The following SV2B variants were observed in gnomAD, a reference collection of about 807,000 sequenced individuals.
The protein encoded by SV2B is solute carrier family 22 member B2.
Under a neutral mutation model 73.9 loss-of-function variants are expected in SV2B, and 41 were observed. The ratio of observed to expected loss-of-function variants is 0.56; its 90% confidence interval spans 0.43 to 0.72. The LOEUF (loss-of-function observed/expected upper bound fraction) is 0.72, where lower values mean the gene tolerates loss of function less well. SV2B is among the 30% of genes least tolerant of loss of function. The pLI, the probability that SV2B is intolerant of heterozygous loss-of-function variation, is 0.00. For synonymous variants in SV2B, 314 were observed against 314.2 expected, an observed-to-expected ratio of 1.00 and a Z score of 0.01; for missense variants, 764 against 857.8, an observed-to-expected ratio of 0.89 and a Z score of 1.37.
rs570121638 is a variant in SV2B at position 91,147,284 on chromosome 15, C to T, written c.-392+46921C>T. Reference sequence around the variant, plus strand: ...ACCACCTAGAATTACACTATCCCTTCCTGCAGGTCCTTCTGACCTGGGAGT... The same window carrying T: ...ACCACCTAGAATTACACTATCCCTTTCTGCAGGTCCTTCTGACCTGGGAGT... On this transcript the variant is annotated intron_variant, in intron 1 of 12. Transcript: ENST00000394232. 9.8e-5 allele frequency among the ~76,000 whole-genome samples: 15 copies of T among 152,318 alleles called. No individual in the cohort carries two copies. The East Asian group carries it at 1.9e-3, about 20-fold the overall frequency.
rs2046800475 is a variant in SV2B at position 91,236,786 on chromosome 15, G to T, written c.451+10072G>T. The stretch of plus-strand genomic sequence containing the variant: ...TTGACATTACCTGGGGCAGCTGGAA[G>T]GTGGGGGCTGGAATCATCGGAGGGC... On this transcript the variant is annotated intron_variant, in intron 2 of 12. Transcript: ENST00000394232. This position sits in a 1 kb window ranked among gnomAD's most constrained non-coding sequence, Gnocchi z 4.1. Among the ~76,000 whole-genome samples the T allele has an allele frequency of 6.6e-6, 1 of 152,108 alleles. No homozygotes were observed. Among genetic ancestry groups the T allele is most frequent in the Non-Finnish European group, 1.5e-5 (1 of 68,016 alleles).
intron 1 of SV2B, among the ~76,000 whole-genome samples, chr15:91,209,886 T>C (rs904380158): frequency 6.6e-6 from 1 of 152,244 alleles, no homozygotes; most frequent in Non-Finnish European, 1.5e-5. Flanking sequence ...AGCCCAGAAC[T>C]GCACAAAACA....
intron 6 of SV2B, 80 bp from the exon 7 acceptor site, chr15:91,266,498 TTAAA>T: frequency 9.1e-7 from 1 of 1,102,378 alleles, no homozygotes; most frequent in South Asian, 1.4e-5. Context: ...CTAAATCAGT[TTAAA>T]TAGTTACATT....
At chr15:91,204,780 C>G (rs190251930) in intron 1 of SV2B, among the ~76,000 whole-genome samples, 1 of 152,078 alleles carries the variant, frequency 6.6e-6, no homozygotes, top group East Asian at 1.9e-4. Context: ...CTGGTCTCAA[C>G]CTCCTGGGCC....
chr15:91,125,132 C>G (rs1335521655), intron 1 of SV2B, among the ~76,000 whole-genome samples: 6 of 152,192 alleles, frequency 3.9e-5, no homozygotes, highest in Non-Finnish European at 8.8e-5. Flanking sequence ...CAGATTTTCT[C>G]TTCTTGTAGG....
chr15:91,291,011 C>G (rs946749329), intron 12 of SV2B, among the ~76,000 whole-genome samples: 1 of 150,330 alleles, frequency 6.7e-6, no homozygotes, highest in Middle Eastern at 3.3e-3. Flanking sequence ...CAGACCCTGT[C>G]TCAGAAAATG....
At chr15:91,171,945 T>C (rs1250001428) in intron 1 of SV2B, among the ~76,000 whole-genome samples, 1 of 152,138 alleles carries the variant, frequency 6.6e-6, no homozygotes, top group Non-Finnish European at 1.5e-5. Flanking sequence ...GAAACAGCAA[T>C]CCATATCACT....
intron 2 of SV2B, among the ~76,000 whole-genome samples, chr15:91,247,779 T>C (rs2047299554): frequency 6.6e-6 from 1 of 152,144 alleles, no homozygotes; most frequent in Non-Finnish European, 1.5e-5. Context: ...CGCCCTCTAT[T>C]GGCAGAGCCT....
intron 2 of SV2B, among the ~76,000 whole-genome samples, chr15:91,235,780 C>G (rs1215178324): frequency 3.3e-5 from 5 of 152,110 alleles, no homozygotes; most frequent in African/African-American, 7.2e-5. Flanking sequence ...TTGAAACTTA[C>G]AGTTTCTGAG....
Position 91,252,616 on chromosome 15 carries a change from C to A in SV2B, c.784+96C>A. 2 of 1,321,686 alleles carry A rather than the reference C, an allele frequency of 1.5e-6. No individual in the cohort carries two copies. The highest frequency in any genetic ancestry group is 2.0e-6 in the Non-Finnish European group (2 of 1,015,130). 81.9% of individuals were successfully genotyped at this position (1,321,686 alleles called of 1,614,324 possible). On this transcript the variant is annotated intron_variant, in intron 4 of 12. Transcript: ENST00000394232. This position sits in a 1 kb window ranked among gnomAD's most constrained non-coding sequence, Gnocchi z 4.6. ...TCCTCAGCCTTATTCCATGTACTCA[C>A]GCACAGTTCCCGTACGTGACCTTGA...
intron 1 of SV2B, among the ~76,000 whole-genome samples, chr15:91,154,135 T>C (rs2043406358): frequency 6.8e-6 from 1 of 147,908 alleles, no homozygotes; most frequent in South Asian, 2.1e-4. Flanking sequence ...ATATTAATAT[T>C]TGATATTAAT....
At chr15:91,167,279 A>G (rs1362543503) in intron 1 of SV2B, among the ~76,000 whole-genome samples, 2 of 151,962 alleles carry the variant, frequency 1.3e-5, no homozygotes, top group Non-Finnish European at 2.9e-5. Flanking sequence ...CTTGAGAGCT[A>G]ATTATATTTT....
intron 1 of SV2B, among the ~76,000 whole-genome samples, chr15:91,166,856 C>G (rs572165201): frequency 3.0e-4 from 46 of 150,894 alleles, no homozygotes; most frequent in African/African-American, 1.1e-3. Context: ...CTCTGTTGCC[C>G]AGGCTGGAGT....
rs1478954182 is a variant in SV2B at position 91,301,791 on chromosome 15, G to T, written c.*9239G>T. 1.3e-5 allele frequency among the ~76,000 whole-genome samples: 2 copies of T among 152,164 alleles called. No homozygotes were observed. Among genetic ancestry groups the T allele is most frequent in the East Asian group, 3.8e-4 (2 of 5,202 alleles). On this transcript the variant is annotated 3_prime_UTR_variant, in exon 13 of 13. Coordinates refer to ENST00000394232, the MANE Select transcript of SV2B (RefSeq NM_001323032.3). The surrounding 1 kb of genome is among the most constrained non-coding windows in gnomAD (Gnocchi z 4.3). ...CCTACCAGCTGAGCATCCCAAGTCTGCACATTTGATATCTAAAATACTCCA... is the reference window on the plus strand; with the variant it reads ...CCTACCAGCTGAGCATCCCAAGTCTTCACATTTGATATCTAAAATACTCCA...
chr15:91,157,045 C>T (rs1467497417), intron 1 of SV2B, among the ~76,000 whole-genome samples: 1 of 152,200 alleles, frequency 6.6e-6, no homozygotes, highest in Non-Finnish European at 1.5e-5. Context: ...CTAAGTCAGT[C>T]AGGGAATGGT....
rs1075840 is a variant in SV2B, at chr15:91,258,677, T to A, written c.918+123T>A. ...TGCTTATGTGTTGCAAACTCTCCCC[T>A]GGTCGGCTGACCTCACTCATCATTG... On this transcript the variant is annotated intron_variant, in intron 5 of 12. Coordinates refer to ENST00000394232, the MANE Select transcript of SV2B (RefSeq NM_001323032.3). This position sits in a 1 kb window ranked among gnomAD's most constrained non-coding sequence, Gnocchi z 4.7. The A allele has an allele frequency of 4.2e-6, 6 of 1,421,514 alleles. No individual in the cohort carries two copies. The highest frequency in any genetic ancestry group is 2.3e-5 in the Admixed American group (1 of 43,282). 88.1% of individuals were successfully genotyped at this position (1,421,514 alleles called of 1,614,324 possible). A position where few individuals can be genotyped will look rare whatever the true frequency, so the allele number is the denominator to read the frequency against.
intron 1 of SV2B, among the ~76,000 whole-genome samples, chr15:91,144,360 C>T (rs1443653798): frequency 1.3e-5 from 2 of 152,114 alleles, no homozygotes; most frequent in African/African-American, 4.8e-5. Context: ...GTTTTCTGGA[C>T]CTTGGGTAAC....
chr15:91,255,794 A>C (rs2269795), intron 4 of SV2B, among the ~76,000 whole-genome samples: 1 of 151,976 alleles, frequency 6.6e-6, no homozygotes, highest in East Asian at 1.9e-4. Flanking sequence ...AATATGGTAG[A>C]CTAGAATCAC....
Position 91,268,297 on chromosome 15 carries a change from G to T in SV2B, c.1209-144G>T. ...TTCCCCTTGTATTTATTAATATGAG[G>T]ATTTATATTGTCAGATTTTCTAATA... is the stretch of plus-strand genomic sequence containing the variant. On this transcript the variant is annotated intron_variant, in intron 8 of 12. Transcript: ENST00000394232. This position sits in a 1 kb window ranked among gnomAD's most constrained non-coding sequence, Gnocchi z 4.4. 1.2e-6 allele frequency: 1 copy of T among 823,580 alleles called. No homozygotes were observed. The highest frequency in any genetic ancestry group is 1.8e-6 in the Non-Finnish European group (1 of 545,840). 51.0% of individuals were successfully genotyped at this position (823,580 alleles called of 1,614,324 possible).
Sources: gnomAD v4.1 joint callset for allele counts (sites outside exome capture counted in the v4.1 genomes callset) on GRCh38, gnomAD v4.1.1 for gene constraint, Gnocchi (gnomAD v3.1) non-coding constraint, MANE v1.5 for transcripts, NCBI Gene and HGNC (gene_info 2026-07-23, HGNC 2026-07-21) for gene names.